Variants in CCNH observed in about 807,000 individuals in gnomAD.
CCNH encodes cyclin H, also known as cyclin-H.
A neutral mutation model predicts 41.9 loss-of-function variants in CCNH; 31 were observed. The observed-to-expected ratio is 0.74, with a 90% CI of 0.56 to 1.00. The LOEUF (loss-of-function observed/expected upper bound fraction) is 1.00, where lower values mean the gene tolerates loss of function less well. Among genes scored for constraint, CCNH ranks in the 50% least tolerant of loss-of-function variants. CCNH has a pLI of 0.00. For missense variants in CCNH, 362 were observed against 388.4 expected, an observed-to-expected ratio of 0.93 and a Z score of 0.57; for synonymous variants, 138 against 136.1, an observed-to-expected ratio of 1.01 and a Z score of -0.10.
intron 6 of CCNH, 90 bp from the exon 7 acceptor site, chr5:87,399,595 G>T: frequency 1.3e-6 from 1 of 773,712 alleles, no homozygotes; most frequent in Non-Finnish European, 2.3e-6. Context: ...TTTGTCATAG[G>T]AAACAACACT....
rs1050523627 is a variant in CCNH, at chr5:87,412,884, G to A, written c.-90C>T. On this transcript the variant is annotated 5_prime_UTR_variant, in exon 1 of 9. Coordinates refer to ENST00000256897, the MANE Select transcript of CCNH (RefSeq NM_001239.4). Reference sequence around the variant, plus strand: ...GTAAAACACCCGTACCCCCACCGAAGATCTCGCGGAAGCCTAGGGCGTCCG... The same window carrying A: ...GTAAAACACCCGTACCCCCACCGAAAATCTCGCGGAAGCCTAGGGCGTCCG... 11 of 1,546,734 alleles carry A rather than the reference G, an allele frequency of 7.1e-6. No individual in the cohort carries two copies. Among genetic ancestry groups the A allele is most frequent in the African/African-American group, 5.4e-5 (4 of 73,484 alleles).
At chr5:87,351,321 C>T (rs10071944) in intron 9 of CCNH, among the ~76,000 whole-genome samples, 23,420 of 151,484 alleles carry the variant, frequency 0.15, 1,925 homozygotes, top group South Asian at 0.25. Context: ...TTTATTAGTG[C>T]TCAGGTTTAT....
chr5:87,383,844 A>C, intron 9 of CCNH: 1 of 1,372,968 alleles, frequency 7.3e-7, no homozygotes, highest in Non-Finnish European at 1.0e-6. Flanking sequence ...ATACTATTTA[A>C]GAATACTCTT....
downstream of CCNH, chr5:87,386,685 C>CAT (rs924774600): frequency 5.0e-5 from 35 of 695,128 alleles, no homozygotes; most frequent in African/African-American, 4.8e-4. Context: ...AGTATTGCTA[C>CAT]ATGTATGGGT....
rs543871269 is a variant in CCNH at position 87,401,373 on chromosome 5, CTTAAG to C, written c.760+324_760+328del. On this transcript the variant is annotated intron_variant, in intron 6 of 8. Coordinates refer to ENST00000256897, the MANE Select transcript of CCNH (RefSeq NM_001239.4). The stretch of plus-strand genomic sequence containing the variant: ...AGAAGTTCCAAATTTAAACATTATC[CTTAAG>C]TTATTTCCCATTACATCTTTTTCAG... Among the ~76,000 whole-genome samples, 56 of 152,304 alleles carry C rather than the reference CTTAAG, an allele frequency of 3.7e-4. No individual in the cohort carries two copies. In the East Asian group the frequency reaches 6.9e-3, roughly 19 times the overall value.
At chr5:87,373,921 G>A (rs1006909613), downstream of CCNH, among the ~76,000 whole-genome samples, 1 of 151,802 alleles carries the variant, frequency 6.6e-6, no homozygotes, top group African/African-American at 2.4e-5. Context: ...TATACTGGGA[G>A]AAATAACTTG....
Position 87,333,064 on chromosome 5 carries a change from T to C in CCNH, c.*91-14167A>G, listed in dbSNP as rs1757710192. Among the ~76,000 whole-genome samples, 5 of 152,258 alleles carry C rather than the reference T, an allele frequency of 3.3e-5. No homozygotes were observed. The South Asian group carries it at 1.0e-3, about 32-fold the overall frequency. The stretch of plus-strand genomic sequence containing the variant: ...ACGTTATAAAAGCATACTGCTTATA[T>C]TTAAAATATGATTTTCATAAAAACA... On this transcript the variant is annotated intron_variant and NMD_transcript_variant, in intron 9 of 9. Transcript: ENST00000645953.
intron 8 of CCNH, 140 bp downstream of exon 8, chr5:87,394,904 T>A: frequency 6.6e-7 from 1 of 1,512,382 alleles, no homozygotes; most frequent in Non-Finnish European, 8.8e-7. Flanking sequence ...AACAGTACTG[T>A]ACGTAAGGAA....
intron 9 of CCNH, chr5:87,353,308 C>A: frequency 1.7e-6 from 2 of 1,167,926 alleles, no homozygotes; most frequent in Admixed American, 1.8e-5. Flanking sequence ...TGTTTTTGCA[C>A]ACATTTGTAC....
At chr5:87,370,062 C>A (rs1760817941) in intron 9 of CCNH, among the ~76,000 whole-genome samples, 1 of 152,038 alleles carries the variant, frequency 6.6e-6, no homozygotes, top group African/African-American at 2.4e-5. Flanking sequence ...AAAAAGTTTT[C>A]TGAAAGAAAT....
chr5:87,314,718 G>A (rs1486332738), downstream of CCNH, among the ~76,000 whole-genome samples: 2 of 152,002 alleles, frequency 1.3e-5, no homozygotes, highest in Admixed American at 1.3e-4. Context: ...GAAAGGCTGT[G>A]GGACGAATGA....
chr5:87,388,105 C>G (rs1762189810), downstream of CCNH, among the ~76,000 whole-genome samples: 1 of 152,134 alleles, frequency 6.6e-6, no homozygotes, highest in African/African-American at 2.4e-5. Context: ...TAAGCATCCC[C>G]TGTGTATCTG....
rs201911431 is a variant in CCNH at position 87,405,000 on chromosome 5, T to C, written c.533A>G (p.Tyr178Cys). Residue 178 changes from tyrosine (Y) to cysteine (C), a missense_variant, in exon 5 of 9, where the codon TAT (tyrosine) becomes TGT (cysteine). By Grantham distance (194) the Tyr-to-Cys change is radical (BLOSUM62 -2). Transcript: ENST00000256897. ...EGFLIDLKTR[Y>C]PILENPEILR... Reference sequence around the variant, plus strand: ...AATCTCTGGATTCTCCAATATGGGATAGCGGGTCTACAAAGAAAGTTTGCA... The same window carrying C: ...AATCTCTGGATTCTCCAATATGGGACAGCGGGTCTACAAAGAAAGTTTGCA... The C allele has an allele frequency of 1.7e-5, 27 of 1,610,174 alleles. No individual in the cohort carries two copies. The highest frequency in any genetic ancestry group is 2.2e-5 in the South Asian group (2 of 90,262).
Position 87,349,221 on chromosome 5 carries a change from A to G in CCNH, c.*91-30324T>C. On this transcript the variant is annotated intron_variant and NMD_transcript_variant, in intron 9 of 9. Transcript: ENST00000645953. ...ACAGCTTAATTCTTACAGTTGGTCA[A>G]GTCTGCAGTTTTCTTGTGAGGCCCT... The G allele has an allele frequency of 1.2e-6, 2 of 1,611,850 alleles. No homozygotes were observed. The highest frequency in any genetic ancestry group is 1.7e-6 in the Non-Finnish European group (2 of 1,178,478).
chr5:87,342,163 T>C (rs1170611809), intron 9 of CCNH, among the ~76,000 whole-genome samples: 3 of 141,378 alleles, frequency 2.1e-5, no homozygotes, highest in Non-Finnish European at 4.7e-5. Flanking sequence ...TTATTTTTTC[T>C]TTTTTTTTTT....
At chr5:87,398,111 T>C (rs1480363683) in intron 7 of CCNH, among the ~76,000 whole-genome samples, 1 of 152,200 alleles carries the variant, frequency 6.6e-6, no homozygotes, top group Non-Finnish European at 1.5e-5. Context: ...CTCTGAAAAA[T>C]TCCTGTTACC....
chr5:87,380,605 A>T (rs761091793), upstream of CCNH: 2 of 1,598,282 alleles, frequency 1.3e-6, no homozygotes, highest in African/African-American at 2.7e-5. Context: ...GGTAAGGCTC[A>T]TCAATTGATT....
At chr5:87,376,251 T>A (rs937659525), downstream of CCNH, 1 of 921,788 alleles carries the variant, frequency 1.1e-6, no homozygotes, top group South Asian at 1.5e-5. Flanking sequence ...CAACTAAATA[T>A]TGAATTTGTG....
intron 9 of CCNH, among the ~76,000 whole-genome samples, chr5:87,324,170 C>G (rs1757037129): frequency 6.6e-6 from 1 of 152,090 alleles, no homozygotes; most frequent in South Asian, 2.1e-4. Flanking sequence ...AAGAAAAACC[C>G]AACTATAAGA....
Sources: gnomAD v4.1 joint callset for allele counts (sites outside exome capture counted in the v4.1 genomes callset) on GRCh38, gnomAD v4.1.1 for gene constraint, MANE v1.5 for transcripts, NCBI Gene and HGNC (gene_info 2026-07-23, HGNC 2026-07-21) for gene names.